Variants in PTN observed in about 807,000 individuals in gnomAD.
PTN encodes the protein pleiotrophin.
A neutral mutation model predicts 24.1 loss-of-function variants in PTN; 18 were observed. The observed-to-expected ratio is 0.75, with a 90% confidence interval of 0.52 to 1.11. The LOEUF (loss-of-function observed/expected upper bound fraction) is 1.11, where lower values mean the gene tolerates loss of function less well. PTN is among the 50% of genes least tolerant of loss of function. The pLI is 0.00. For missense variants in PTN, 163 were observed against 198.8 expected (o/e 0.82, Z 1.08); for synonymous variants, 78 against 68.6 (o/e 1.14, Z -0.67).
chr7:137,234,153 C>A (rs913995113), intron 4 of PTN, among the ~76,000 whole-genome samples: 5 of 151,832 alleles, frequency 3.3e-5, no homozygotes, highest in Non-Finnish European at 7.4e-5. Flanking sequence ...TTTTCCATGT[C>A]ATTGCATATA....
intron 1 of PTN, among the ~76,000 whole-genome samples, chr7:137,270,941 C>A (rs967601509): frequency 1.3e-5 from 2 of 152,124 alleles, no homozygotes; most frequent in African/African-American, 2.4e-5. Context: ...ATCATGGACT[C>A]CAAATTCTCA....
In PTN at chr7:137,317,368, C is replaced by T. The variant is rs527448783; in HGVS notation, c.-2+26071G>A. ...TTGAATATCAAGAATTTTATAAATG[C>T]CCAACCACCTCCAAAATCATAATGA... On this transcript the variant is annotated intron_variant, in intron 1 of 4. Coordinates refer to ENST00000348225, the MANE Select transcript of PTN (RefSeq NM_002825.7). 2.0e-5 allele frequency among the ~76,000 whole-genome samples: 3 copies of T among 152,228 alleles called. No homozygotes were observed. The East Asian group carries it at 5.8e-4, about 29-fold the overall frequency.
At chr7:137,233,691 C>T (rs551109607) in intron 4 of PTN, among the ~76,000 whole-genome samples, 22 of 151,758 alleles carry the variant, frequency 1.4e-4, no homozygotes, top group Admixed American at 1.1e-3. Flanking sequence ...TTTACTACTA[C>T]AATCCAGAGA....
At position 137,322,623 on chromosome 7, in the gene PTN, T is replaced by G. The variant is rs111283975; in HGVS notation, c.-2+20816A>C. 1.2e-3 allele frequency among the ~76,000 whole-genome samples: 180 copies of G among 152,306 alleles called. 1 individual carries two copies. Among genetic ancestry groups the G allele is most frequent in the African/African-American group, 4.2e-3 (173 of 41,586 alleles). ...GATATTTATTTAGTATACAGCCACATAAAACATTAGAAATATTGAGATGTA... is the reference window on the plus strand; with the variant it reads ...GATATTTATTTAGTATACAGCCACAGAAAACATTAGAAATATTGAGATGTA... On this transcript the variant is annotated intron_variant, in intron 1 of 4. Transcript: ENST00000348225.
chr7:137,272,841 CTGTT>C (rs1326140408), intron 1 of PTN, among the ~76,000 whole-genome samples: 1 of 152,244 alleles, frequency 6.6e-6, no homozygotes, highest in Non-Finnish European at 1.5e-5. Context: ...TCCTTACTAG[CTGTT>C]TGATTGATTC....
Position 137,246,288 on chromosome 7 carries a change from T to C in PTN, c.451+4942A>G, listed in dbSNP as rs910418801. Among the ~76,000 whole-genome samples, 33 of 152,164 alleles carry C rather than the reference T, an allele frequency of 2.2e-4. No individual in the cohort carries two copies. In the Middle Eastern group the frequency reaches 9.5e-3, roughly 44 times the overall value. ...CAATAACCTACAGTATTCAGTACAG[T>C]AACATGCTGTATAGATTTGCAGCCT... On this transcript the variant is annotated intron_variant, in intron 4 of 4. Coordinates refer to ENST00000348225, the MANE Select transcript of PTN (RefSeq NM_002825.7).
At chr7:137,234,074 CT>C (rs1346699846) in intron 4 of PTN, among the ~76,000 whole-genome samples, 1 of 151,704 alleles carries the variant, frequency 6.6e-6, no homozygotes, top group Non-Finnish European at 1.5e-5. Flanking sequence ...TGTTTTCTTT[CT>C]ATGACTTTAC....
chr7:137,343,408 C>T (rs932313871), intron 1 of PTN, 31 bp downstream of exon 1: 1 of 494,960 alleles, frequency 2.0e-6, no homozygotes, highest in Non-Finnish European at 4.1e-6. Context: ...TCGAAGAGCC[C>T]TCCGAGAAAT....
At chr7:137,267,403 G>A (rs112786750) in intron 1 of PTN, among the ~76,000 whole-genome samples, 12,479 of 151,950 alleles carry the variant, frequency 0.082, 697 homozygotes, top group South Asian at 0.18. Context: ...CTGTTGGGGG[G>A]AAGGGGGTCT....
At chr7:137,309,063 C>T (rs1333926374) in intron 1 of PTN, among the ~76,000 whole-genome samples, 2 of 152,068 alleles carry the variant, frequency 1.3e-5, no homozygotes, top group East Asian at 1.9e-4. Context: ...TTCTCTGTGA[C>T]CTGGAGGATT....
intron 4 of PTN, among the ~76,000 whole-genome samples, chr7:137,247,505 C>A (rs771317311): frequency 6.6e-6 from 1 of 151,978 alleles, no homozygotes; most frequent in Non-Finnish European, 1.5e-5. Flanking sequence ...GGATGGTTAA[C>A]AGAGGTTGGG....
intron 1 of PTN, among the ~76,000 whole-genome samples, chr7:137,283,837 T>C (rs978065106): frequency 6.6e-6 from 1 of 152,126 alleles, no homozygotes; most frequent in Admixed American, 6.5e-5. Context: ...CAAGGTCATT[T>C]GGACCTCATT....
At chr7:137,296,802 T>G (rs1346278019) in intron 1 of PTN, among the ~76,000 whole-genome samples, 3 of 152,056 alleles carry the variant, frequency 2.0e-5, no homozygotes, top group Admixed American at 1.3e-4. Context: ...CCATTATTTT[T>G]CTGAGGATCG....
At chr7:137,314,582 G>A (rs1412359192) in intron 1 of PTN, among the ~76,000 whole-genome samples, 1 of 141,812 alleles carries the variant, frequency 7.1e-6, no homozygotes, top group East Asian at 2.1e-4. Context: ...TCCAAACCCA[G>A]TCTTTTACAT....
chr7:137,258,865 T>C (rs1808982382), intron 1 of PTN, among the ~76,000 whole-genome samples: 1 of 152,100 alleles, frequency 6.6e-6, no homozygotes, highest in Admixed American at 6.6e-5. Flanking sequence ...GAGGCAAAAA[T>C]ATGGATTCTA....
At chr7:137,330,628 G>A (rs1365198199) in intron 1 of PTN, among the ~76,000 whole-genome samples, 1 of 152,158 alleles carries the variant, frequency 6.6e-6, no homozygotes, top group East Asian at 1.9e-4. Flanking sequence ...TTATGGAAGA[G>A]TTGGCTTCAG....
At chr7:137,239,374 T>TTTTA (rs60204827) in intron 4 of PTN, among the ~76,000 whole-genome samples, 24,213 of 147,682 alleles carry the variant, frequency 0.16, 2,097 homozygotes, top group Middle Eastern at 0.2. Context: ...TAATTTTCTT[T>TTTTA]TTTATTTATT....
At chr7:137,280,166 A>T (rs1452220269) in intron 1 of PTN, among the ~76,000 whole-genome samples, 2 of 152,176 alleles carry the variant, frequency 1.3e-5, no homozygotes, top group Non-Finnish European at 2.9e-5. Flanking sequence ...TAATTCTTAG[A>T]AAATCTAATT....
intron 4 of PTN, 136 bp downstream of exon 4, chr7:137,251,092 ACT>A (rs1808817846): frequency 3.0e-6 from 3 of 990,904 alleles, no homozygotes; most frequent in South Asian, 3.2e-5. Flanking sequence ...TATTTTTGTG[ACT>A]CTCAGTGTAG....
Sources: gnomAD v4.1 joint callset for allele counts (sites outside exome capture counted in the v4.1 genomes callset) on GRCh38, gnomAD v4.1.1 for gene constraint, MANE v1.5 for transcripts, NCBI Gene and HGNC (gene_info 2026-07-23, HGNC 2026-07-21) for gene names.